EXOC6B: variants seen among roughly 807,000 people sequenced by gnomAD.
EXOC6B encodes exocyst complex component 6B, also known as SEC15 homolog B.
Under a neutral mutation model 113.5 loss-of-function variants are expected in EXOC6B, and 54 were observed. The ratio of observed to expected loss-of-function variants is 0.48; its 90% CI spans 0.38 to 0.60. The LOEUF is 0.60. Ranked by LOEUF, EXOC6B falls within the 20% of genes least tolerant of loss-of-function variation. The probability of loss-of-function intolerance (pLI) is 0.00; values close to 1 mark genes in which losing one functional copy is unlikely to be tolerated. For missense variants in EXOC6B, 797 were observed against 977.5 expected, an observed-to-expected ratio of 0.82 and a Z score of 2.46; for synonymous variants, 357 against 339.0, an observed-to-expected ratio of 1.05 and a Z score of -0.58.
chr2:72,389,277 C>T (rs1692228100), intron 18 of EXOC6B, among the ~76,000 whole-genome samples: 1 of 151,868 alleles, frequency 6.6e-6, no homozygotes, highest in Non-Finnish European at 1.5e-5. Context: ...TAAATTATCA[C>T]AGTTTATCTT....
At chr2:72,564,626 T>C (rs1704061602) in intron 7 of EXOC6B, among the ~76,000 whole-genome samples, 2 of 152,212 alleles carry the variant, frequency 1.3e-5, no homozygotes. Context: ...CAAACATTTT[T>C]CACCAGTGTG....
At chr2:72,820,972 GA>G (rs531169204) in intron 1 of EXOC6B, among the ~76,000 whole-genome samples, 14 of 150,878 alleles carry the variant, frequency 9.3e-5, no homozygotes, top group African/African-American at 3.2e-4. Flanking sequence ...AACAAAATAA[GA>G]AAAAAAATGA....
chr2:72,430,834 C>G (rs1409570465), intron 18 of EXOC6B, among the ~76,000 whole-genome samples: 1 of 152,138 alleles, frequency 6.6e-6, no homozygotes, highest in Non-Finnish European at 1.5e-5. Flanking sequence ...TTAAGCTATT[C>G]AAACAAACTG....
At chr2:72,440,261 C>G (rs1367876830) in intron 18 of EXOC6B, among the ~76,000 whole-genome samples, 2 of 151,788 alleles carry the variant, frequency 1.3e-5, no homozygotes, top group African/African-American at 4.8e-5. Flanking sequence ...TCTCCAGGGT[C>G]GTAATGAAAA....
intron 13 of EXOC6B, among the ~76,000 whole-genome samples, chr2:72,496,850 A>G (rs1446380784): frequency 6.6e-6 from 1 of 151,892 alleles, no homozygotes; most frequent in Non-Finnish European, 1.5e-5. Flanking sequence ...AATAGGACAG[A>G]ACATTTCAAT....
At chr2:72,771,922 G>A (rs1276450298) in intron 1 of EXOC6B, among the ~76,000 whole-genome samples, 1 of 152,148 alleles carries the variant, frequency 6.6e-6, no homozygotes, top group Admixed American at 6.5e-5. Context: ...AAACTGAGGA[G>A]CGATGTCAGC....
intron 1 of EXOC6B, among the ~76,000 whole-genome samples, chr2:72,770,544 A>T (rs1227856349): frequency 6.6e-6 from 1 of 152,234 alleles, no homozygotes; most frequent in African/African-American, 2.4e-5. Flanking sequence ...GGTAAATATA[A>T]AGATTATTAA....
intron 8 of EXOC6B, among the ~76,000 whole-genome samples, chr2:72,556,057 A>G (rs565744689): frequency 6.6e-6 from 1 of 152,346 alleles, no homozygotes; most frequent in African/African-American, 2.4e-5. Flanking sequence ...ACAAGGCACA[A>G]TCAAAGCAAT....
chr2:72,563,362 G>A (rs1049384179), intron 7 of EXOC6B, among the ~76,000 whole-genome samples: 9 of 151,954 alleles, frequency 5.9e-5, no homozygotes, highest in Non-Finnish European at 1.0e-4. Context: ...TAATCTGTTC[G>A]TTTCAATACA....
Position 72,443,484 on chromosome 2 carries a change from T to A in EXOC6B, c.1980+21676A>T, listed in dbSNP as rs550002803. On this transcript the variant is annotated intron_variant, in intron 18 of 21. Transcript: ENST00000272427. ...TCCTATTCAATAAATGATGCTGGGA[T>A]AACTGGCTAGCCATATGCAGAAGAC... 2.6e-3 allele frequency among the ~76,000 whole-genome samples: 399 copies of A among 152,210 alleles called. 1 individual carries two copies. Among genetic ancestry groups the A allele is most frequent in the African/African-American group, 9.0e-3 (375 of 41,512 alleles).
At chr2:72,196,287 A>G (rs1389791077) in intron 20 of EXOC6B, among the ~76,000 whole-genome samples, 1 of 152,204 alleles carries the variant, frequency 6.6e-6, no homozygotes, top group Non-Finnish European at 1.5e-5. Context: ...CAACCCAGGC[A>G]TCCTATGATA....
intron 6 of EXOC6B, among the ~76,000 whole-genome samples, chr2:72,673,070 TA>T (rs1309118675): frequency 6.6e-6 from 1 of 152,064 alleles, no homozygotes; most frequent in Admixed American, 6.5e-5. Flanking sequence ...TATGTATCAA[TA>T]AAAAAGAAAA....
intron 5 of EXOC6B, among the ~76,000 whole-genome samples, chr2:72,720,963 C>T (rs772146551): frequency 1.3e-5 from 2 of 151,096 alleles, no homozygotes; most frequent in South Asian, 4.2e-4. Flanking sequence ...TAGGTAGAAA[C>T]GAAATAAGTT....
intron 6 of EXOC6B, among the ~76,000 whole-genome samples, chr2:72,634,121 T>A (rs1178302488): frequency 6.6e-6 from 1 of 152,110 alleles, no homozygotes; most frequent in Non-Finnish European, 1.5e-5. Flanking sequence ...AGGCAGTGGT[T>A]GCAGCAAACT....
chr2:72,210,817 G>A (rs1680140227), intron 20 of EXOC6B, among the ~76,000 whole-genome samples: 1 of 152,206 alleles, frequency 6.6e-6, no homozygotes, highest in Non-Finnish European at 1.5e-5. Flanking sequence ...CCTTGCCCTT[G>A]TTTCCTCAGC....
chr2:72,428,046 C>A (rs924032517), intron 18 of EXOC6B, among the ~76,000 whole-genome samples: 1 of 152,250 alleles, frequency 6.6e-6, no homozygotes, highest in South Asian at 2.1e-4. Context: ...CCATGGAACA[C>A]CCTGGCTATA....
intron 18 of EXOC6B, among the ~76,000 whole-genome samples, chr2:72,384,083 ACACCAAACC>A (rs1691850552): frequency 6.6e-6 from 1 of 152,130 alleles, no homozygotes; most frequent in African/African-American, 2.4e-5. Flanking sequence ...CATAATCTGT[ACACCAAACC>A]CTCATGACAT....
At chr2:72,785,860 G>A (rs187708337) in intron 1 of EXOC6B, among the ~76,000 whole-genome samples, 181 of 152,300 alleles carry the variant, frequency 1.2e-3, no homozygotes, top group African/African-American at 4.0e-3. Flanking sequence ...CCCAGAAAAC[G>A]GGTTTTTCTT....
In EXOC6B at chr2:72,214,470, G is replaced by A. The variant is rs545546700; in HGVS notation, c.2197-30283C>T. On this transcript the variant is annotated intron_variant, in intron 20 of 21. Coordinates refer to ENST00000272427, the MANE Select transcript of EXOC6B (RefSeq NM_015189.3). ...TGCGCCACTGCACTCTGGCCTGGGC[G>A]ACTGAGTGAGACTTGTCAAAAAAAA... Among the ~76,000 whole-genome samples the A allele has an allele frequency of 6.1e-4, 87 of 143,124 alleles. 2 individuals carry two copies. Among genetic ancestry groups the A allele is most frequent in the Non-Finnish European group, 9.3e-4 (62 of 66,928 alleles). 93.9% of individuals were successfully genotyped at this position (143,124 alleles called of 152,430 possible).
Sources: gnomAD v4.1 joint callset for allele counts (sites outside exome capture counted in the v4.1 genomes callset) on GRCh38, gnomAD v4.1.1 for gene constraint, MANE v1.5 for transcripts, NCBI Gene and HGNC (gene_info 2026-07-23, HGNC 2026-07-21) for gene names.